The following AFTPH variants were observed in gnomAD, a reference collection of about 807,000 sequenced individuals.
The protein encoded by AFTPH is aftiphilin, also known as aftiphilin protein.
A neutral mutation model predicts 72.5 loss-of-function variants in AFTPH; 7 were observed. That is an observed-to-expected ratio of 0.10 (90% CI 0.05 to 0.18). The LOEUF (loss-of-function observed/expected upper bound fraction) is 0.18, where lower values mean the gene tolerates loss of function less well. AFTPH is among the 10% of genes least tolerant of loss of function. AFTPH has a pLI of 1.00. For synonymous variants in AFTPH, 337 were observed against 370.1 expected (o/e 0.91, Z 1.03); for missense variants, 979 against 1,060.5 (o/e 0.92, Z 1.07).
Position 64,548,407 on chromosome 2 carries a change from GAAAAAA to G in AFTPH, c.-32-3013_-32-3008del, listed in dbSNP as rs57995634. Among the ~76,000 whole-genome samples, 10 of 59,994 alleles carry G rather than the reference GAAAAAA, an allele frequency of 1.7e-4. 2 individuals carry two copies. In the South Asian group the frequency reaches 2.6e-3, roughly 15 times the overall value. 39.4% of individuals were successfully genotyped at this position (59,994 alleles called of 152,430 possible). A position where few individuals can be genotyped will look rare whatever the true frequency, so the allele number is the denominator to read the frequency against. On this transcript the variant is annotated intron_variant, in intron 1 of 8. Coordinates refer to ENST00000238856, the Ensembl canonical transcript of AFTPH. ...AGAGCGAGACTCCGTCTCAAAAAAA[GAAAAAA>G]AAAAAAAAAAAAAAAAAAAAAACTT...
chr2:64,538,301 C>T (rs188379902), intron 1 of AFTPH, among the ~76,000 whole-genome samples: 72 of 151,984 alleles, frequency 4.7e-4, no homozygotes, highest in African/African-American at 1.6e-3. Context: ...GCCTTTCTAC[C>T]TCTCAGGAAA....
chr2:64,579,717 C>G (rs1296302341), intron 7 of AFTPH, 171 bp downstream of exon 7: 3 of 545,912 alleles, frequency 5.5e-6, no homozygotes, highest in Non-Finnish European at 9.6e-6. Context: ...CCAGCCGTTA[C>G]TATTATCAAC....
chr2:64,592,507 G>A (rs1222375963), exon 9 of AFTPH: 1 of 152,092 alleles, frequency 6.6e-6, no homozygotes, highest in Non-Finnish European at 1.5e-5. Context: ...TTTTAATTTT[G>A]TGTATGATGG....
At chr2:64,532,011 C>T (rs554142792) in intron 1 of AFTPH, among the ~76,000 whole-genome samples, 7 of 152,258 alleles carry the variant, frequency 4.6e-5, no homozygotes, top group South Asian at 2.1e-4. Context: ...ATGGGTTGCA[C>T]GGTAATTTTT....
At chr2:64,589,545 C>A (rs1673696876) in intron 8 of AFTPH, among the ~76,000 whole-genome samples, 1 of 152,170 alleles carries the variant, frequency 6.6e-6, no homozygotes, top group South Asian at 2.1e-4. Context: ...GACTAGCTCA[C>A]ACCCATGCAC....
intron 6 of AFTPH, among the ~76,000 whole-genome samples, chr2:64,577,227 C>A (rs1226171559): frequency 6.6e-6 from 1 of 152,124 alleles, no homozygotes; most frequent in Non-Finnish European, 1.5e-5. Context: ...TAATTCATAC[C>A]ACATTGCTTC....
chr2:64,538,175 G>A (rs1383503062), intron 1 of AFTPH, among the ~76,000 whole-genome samples: 1 of 152,076 alleles, frequency 6.6e-6, no homozygotes, highest in Non-Finnish European at 1.5e-5. Context: ...AGTCATAGGG[G>A]AAAAATGTGT....
intron 2 of AFTPH, among the ~76,000 whole-genome samples, chr2:64,555,989 C>CTTTTT (rs774669104): frequency 1.5e-5 from 2 of 134,104 alleles, no homozygotes; most frequent in Non-Finnish European, 3.1e-5. Context: ...GAATTCCTCA[C>CTTTTT]TTTTTTTTTT....
chr2:64,525,156 T>C (rs1669179491), intron 1 of AFTPH, among the ~76,000 whole-genome samples: 1 of 152,186 alleles, frequency 6.6e-6, no homozygotes, highest in Non-Finnish European at 1.5e-5. Context: ...AGCTCACGCA[T>C]CCCTTCCTCA....
chr2:64,570,497 A>G (rs923879792), intron 5 of AFTPH, among the ~76,000 whole-genome samples: 2 of 152,062 alleles, frequency 1.3e-5, no homozygotes, highest in Admixed American at 6.5e-5. Flanking sequence ...GAACATTTTG[A>G]TTTGTTTTGT....
chr2:64,579,596 T>TA, intron 7 of AFTPH, 50 bp downstream of exon 7: 1 of 1,521,694 alleles, frequency 6.6e-7, no homozygotes, highest in Non-Finnish European at 9.1e-7. Flanking sequence ...TTAAGAAAGC[T>TA]ACAAAGTTCA....
intron 5 of AFTPH, among the ~76,000 whole-genome samples, chr2:64,571,580 T>C (rs918055241): frequency 6.6e-5 from 10 of 152,348 alleles, no homozygotes; most frequent in African/African-American, 2.4e-4. Flanking sequence ...TTCTGCAAAC[T>C]GTTTTAGTTA....
chr2:64,591,914 G>A (rs369958860), exon 9 of AFTPH: 14 of 1,613,838 alleles, frequency 8.7e-6, no homozygotes, highest in Non-Finnish European at 1.1e-5. Flanking sequence ...GAGCACCTAA[G>A]TGAAGAAGCT....
chr2:64,561,502 C>T (rs539225777), intron 2 of AFTPH, among the ~76,000 whole-genome samples: 13 of 152,080 alleles, frequency 8.5e-5, no homozygotes, highest in Admixed American at 3.3e-4. Flanking sequence ...CATAGTGAGA[C>T]GCCATCTCTA....
At chr2:64,589,469 G>T (rs1673693929) in intron 8 of AFTPH, among the ~76,000 whole-genome samples, 1 of 152,158 alleles carries the variant, frequency 6.6e-6, no homozygotes, top group African/African-American at 2.4e-5. Flanking sequence ...TTTGAGAAAT[G>T]ATCATGATAT....
chr2:64,552,366 T>C (rs146936440), exon 2 of AFTPH: 1 of 1,614,058 alleles, frequency 6.2e-7, no homozygotes, highest in South Asian at 1.1e-5. Context: ...GGATCAGGTT[T>C]GTGTTTCAGA....
chr2:64,577,075 A>C (rs954657515), intron 6 of AFTPH, among the ~76,000 whole-genome samples: 1 of 152,162 alleles, frequency 6.6e-6, no homozygotes, highest in Admixed American at 6.5e-5. Context: ...CTCACTTTTT[A>C]CAGCATTGGA....
rs1243472946 is a variant in AFTPH at position 64,548,433 on chromosome 2, A to AAAAAAC, written c.-32-3008_-32-3007insAAACAA. Among the ~76,000 whole-genome samples, 240 of 102,582 alleles carry AAAAAAC rather than the reference A, an allele frequency of 2.3e-3. 20 individuals carry two copies. The highest frequency in any genetic ancestry group is 4.4e-3 in the African/African-American group (122 of 27,680). The allele number at this position is 102,582 out of a possible 152,430, so 67.3% of individuals were successfully genotyped here. On this transcript the variant is annotated intron_variant, in intron 1 of 8. Coordinates refer to ENST00000238856, the Ensembl canonical transcript of AFTPH. ...AAAAAAAAAAAAAAAAAAAAAAAAA[A>AAAAAAC]AACTTTAGAAAAAGGAATCCTGTAG...
intron 4 of AFTPH, 41 bp from the exon 5 acceptor site, chr2:64,569,582 A>G: frequency 6.3e-7 from 1 of 1,589,392 alleles, no homozygotes; most frequent in Non-Finnish European, 8.6e-7. Context: ...ATGATAGATT[A>G]TTCTCTAAAT....
Sources: gnomAD v4.1 joint callset for allele counts (sites outside exome capture counted in the v4.1 genomes callset) on GRCh38, gnomAD v4.1.1 for gene constraint, MANE v1.5 for transcripts, NCBI Gene and HGNC (gene_info 2026-07-23, HGNC 2026-07-21) for gene names.